The following ZNF586 variants were observed in gnomAD, a reference collection of about 807,000 sequenced individuals.
ZNF586 encodes zinc finger protein 586.
Under a neutral mutation model 6.7 loss-of-function variants are expected in ZNF586, and 7 were observed. The ratio of observed to expected loss-of-function variants is 1.04; its 90% confidence interval spans 0.59 to 1.95. The LOEUF is 1.95. ZNF586 is among the 30% of genes most tolerant of loss of function. ZNF586 has a pLI of 0.00. For missense variants in ZNF586, 442 were observed against 489.6 expected (o/e 0.90, Z 0.92); for synonymous variants, 166 against 168.7 (o/e 0.98, Z 0.12).
intron 2 of ZNF586, 39 bp downstream of exon 2, chr19:57,776,708 G>C: frequency 6.4e-7 from 1 of 1,556,406 alleles, no homozygotes. Flanking sequence ...GAGTTAGTCT[G>C]TGCCCCTCAC....
intron 1 of ZNF586, among the ~76,000 whole-genome samples, chr19:57,774,247 G>A (rs1450664507): frequency 6.8e-6 from 1 of 147,598 alleles, no homozygotes; most frequent in Admixed American, 6.9e-5. Context: ...AGTCAGCCGG[G>A]CGCGGTGGCT....
At chr19:57,770,877 G>A (rs1424711175) in intron 1 of ZNF586, among the ~76,000 whole-genome samples, 2 of 151,794 alleles carry the variant, frequency 1.3e-5, no homozygotes, top group Non-Finnish European at 2.9e-5. Flanking sequence ...TCGGCGACGG[G>A]TTCTCACTCA....
chr19:57,776,130 C>T (rs1600079850), intron 1 of ZNF586, among the ~76,000 whole-genome samples: 1 of 152,024 alleles, frequency 6.6e-6, no homozygotes, highest in African/African-American at 2.4e-5. Flanking sequence ...CAGAGAGAGG[C>T]CTATAGTGTG....
Position 57,778,517 on chromosome 19 carries a change from G to T in ZNF586, c.164-234G>T, listed in dbSNP as rs376035734. On this transcript the variant is annotated intron_variant, in intron 2 of 2. Transcript: ENST00000396154. ...AGGCAAGTTGTTTGCAAATGAAGGA[G>T]TTATAGACCCTGCCTTTATTCTGTC... 3.9e-5 allele frequency among the ~76,000 whole-genome samples: 6 copies of T among 152,286 alleles called. No individual in the cohort carries two copies. In the South Asian group the frequency reaches 6.2e-4, roughly 16 times the overall value.
chr19:57,773,902 A>G (rs1256775947), intron 1 of ZNF586, among the ~76,000 whole-genome samples: 2 of 152,126 alleles, frequency 1.3e-5, no homozygotes, highest in Non-Finnish European at 2.9e-5. Context: ...TGGGCTTTGA[A>G]TGGGGTTAGG....
chr19:57,774,124 G>A lies in ZNF586; in HGVS notation c.37-2419G>A, dbSNP rs1022082017. Among the ~76,000 whole-genome samples, 4 of 150,778 alleles carry A rather than the reference G, an allele frequency of 2.7e-5. No individual in the cohort carries two copies. In the South Asian group the frequency reaches 8.4e-4, roughly 31 times the overall value. ...CCCAGATATTCGGGGGCTGAGACAG[G>A]AGAATCGCTTGAACCTGGGAGGCAG... On this transcript the variant is annotated intron_variant, in intron 1 of 2. Coordinates refer to ENST00000396154, the MANE Select transcript of ZNF586 (RefSeq NM_017652.4).
In ZNF586 at chr19:57,778,354, C is replaced by T. The variant is rs931205732; in HGVS notation, c.164-397C>T. ...CCTCGCAAAGTGCTGGGATTAGAGG[C>T]ATGAGCCACGGTTCTCGGCCACGTA... On this transcript the variant is annotated intron_variant, in intron 2 of 2. Coordinates refer to ENST00000396154, the MANE Select transcript of ZNF586 (RefSeq NM_017652.4). Among the ~76,000 whole-genome samples the T allele has an allele frequency of 3.9e-5, 6 of 152,254 alleles. 1 individual carries two copies. In the East Asian group the frequency reaches 9.6e-4, roughly 24 times the overall value.
intron 1 of ZNF586, among the ~76,000 whole-genome samples, chr19:57,775,902 A>C (rs1410531840): frequency 6.6e-6 from 1 of 150,978 alleles, no homozygotes; most frequent in Non-Finnish European, 1.5e-5. Context: ...GCGCCCGGCC[A>C]CTCTCTCTTA....
Position 57,779,223 on chromosome 19 carries a change from G to A in ZNF586, c.636G>A (p.Gly212=), listed in dbSNP as rs868038474. ...GAKRYECNEC[G]KSFAYTSSLI... is the part of the protein sequence containing the mutation. ...AGCGTTATGAATGCAATGAATGTGG[G>A]AAGTCCTTTGCTTATACATCTAGTC... The change falls in exon 3 of 3, where the codon GGG becomes GGA. Residue 212 remains glycine (G), a synonymous_variant. Transcript: ENST00000396154. 2.5e-6 allele frequency: 4 copies of A among 1,614,026 alleles called. No individual in the cohort carries two copies. Among genetic ancestry groups the A allele is most frequent in the Middle Eastern group, 3.3e-4 (2 of 6,062 alleles).
At chr19:57,776,829 C>T (rs1439516082) in intron 2 of ZNF586, among the ~76,000 whole-genome samples, 160 bp downstream of exon 2, 1 of 152,136 alleles carries the variant, frequency 6.6e-6, no homozygotes, top group Non-Finnish European at 1.5e-5. Context: ...CTGCCCTGTC[C>T]TTTCCTTGAG....
chr19:57,779,365 A>C lies in ZNF586; in HGVS notation c.778A>C (p.Arg260=). The C allele has an allele frequency of 6.2e-7, 1 of 1,613,358 alleles. No individual in the cohort carries two copies. The highest frequency in any genetic ancestry group is 8.5e-7 in the Non-Finnish European group (1 of 1,179,894). The stretch of plus-strand genomic sequence containing the variant: ...ACACTTGAGAGTTCACACAGGAGAA[A>C]GGCCTTATGAATGCGTTGAGTGTGG... ...IKHLRVHTGE[R]PYECVECGKS... Residue 260 remains arginine, a synonymous_variant, in exon 3 of 3, where the codon AGG becomes CGG. Coordinates refer to ENST00000396154, the MANE Select transcript of ZNF586 (RefSeq NM_017652.4).
chr19:57,777,382 G>A (rs1428773830), intron 2 of ZNF586, among the ~76,000 whole-genome samples: 11 of 152,080 alleles, frequency 7.2e-5, no homozygotes, highest in Admixed American at 5.2e-4. Context: ...TGAAGAGCCC[G>A]TGGTTGTCCC....
At chr19:57,771,641 A>G (rs1015839512) in intron 1 of ZNF586, among the ~76,000 whole-genome samples, 1 of 152,120 alleles carries the variant, frequency 6.6e-6, no homozygotes, top group Non-Finnish European at 1.5e-5. Flanking sequence ...TAGAGGGGTG[A>G]GGTGATGTTA....
At chr19:57,770,026 A>G in intron 1 of ZNF586, 148 bp downstream of exon 1, 2 of 761,590 alleles carry the variant, frequency 2.6e-6, no homozygotes. Context: ...TGTTTCCGAC[A>G]CCCAGTTGAT....
In ZNF586 at chr19:57,769,884, C is replaced by A; in HGVS notation, c.36+6C>A. On this transcript the variant is annotated splice_donor_region_variant and intron_variant, in intron 1 of 2. Transcript: ENST00000396154. The stretch of plus-strand genomic sequence containing the variant: ...CTCTGAGGGCGCCTGCTCAGGTGAG[C>A]GCTGCGACCTCCGGGCCTTACCCAC... The A allele has an allele frequency of 1.9e-6, 3 of 1,539,170 alleles. No individual in the cohort carries two copies. The highest frequency in any genetic ancestry group is 2.6e-6 in the Non-Finnish European group (3 of 1,142,170).
Sources: allele counts gnomAD v4.1 joint callset (sites outside exome capture counted in the v4.1 genomes callset), GRCh38; gene constraint gnomAD v4.1.1; transcripts MANE v1.5; gene names NCBI Gene and HGNC (gene_info 2026-07-23, HGNC 2026-07-21).